The following EXOC4 variants were observed in gnomAD, a reference collection of about 807,000 sequenced individuals.
EXOC4 encodes exocyst complex component 4.
EXOC4 carries 71 observed loss-of-function variants against 107.2 expected under a neutral mutation model. The ratio of observed to expected loss-of-function variants is 0.66; its 90% CI spans 0.55 to 0.81. EXOC4 has a LOEUF of 0.81. Among genes scored for constraint, EXOC4 ranks in the 30% least tolerant of loss-of-function variants. The probability of loss-of-function intolerance (pLI) is 0.00; values close to 1 mark genes in which losing one functional copy is unlikely to be tolerated. For missense variants in EXOC4, 1,108 were observed against 1,189.6 expected, an observed-to-expected ratio of 0.93 and a Z score of 1.01; for synonymous variants, 456 against 441.2, an observed-to-expected ratio of 1.03 and a Z score of -0.42.
chr7:133,459,479 T>C (rs1563073997), intron 7 of EXOC4, among the ~76,000 whole-genome samples: 2 of 152,230 alleles, frequency 1.3e-5, no homozygotes, highest in Non-Finnish European at 2.9e-5. Flanking sequence ...GATCCAGGTA[T>C]ACAATTAATT....
At chr7:133,951,402 T>G (rs1343791757) in intron 14 of EXOC4, among the ~76,000 whole-genome samples, 1 of 152,238 alleles carries the variant, frequency 6.6e-6, no homozygotes, top group Non-Finnish European at 1.5e-5. Flanking sequence ...GTACAATGCC[T>G]GCAAACAGTG....
chr7:133,708,943 A>G (rs1036106410), intron 10 of EXOC4, among the ~76,000 whole-genome samples: 1 of 152,206 alleles, frequency 6.6e-6, no homozygotes, highest in African/African-American at 2.4e-5. Flanking sequence ...AAATGTCCAC[A>G]TTTAATAATT....
At chr7:134,066,585 T>G (rs1481981439), downstream of EXOC4, 1 of 152,198 alleles carries the variant, frequency 6.6e-6, no homozygotes, top group African/African-American at 2.4e-5. Flanking sequence ...TCAGTCTTTA[T>G]TCTTCCACAG....
At chr7:133,385,035 C>T (rs75969998) in intron 7 of EXOC4, among the ~76,000 whole-genome samples, 1,804 of 152,200 alleles carry the variant, frequency 0.012, 38 homozygotes, top group African/African-American at 0.04. Flanking sequence ...GGCACCATCA[C>T]GCTTCTCCAC....
At chr7:134,034,969 T>C (rs1004195386) in intron 17 of EXOC4, among the ~76,000 whole-genome samples, 1 of 151,740 alleles carries the variant, frequency 6.6e-6, no homozygotes, top group African/African-American at 2.4e-5. Flanking sequence ...TGAGAGAAAA[T>C]AGAAGGTGAG....
rs1182111035 is a variant in EXOC4, at chr7:133,909,254, G to T, written c.1872-8329G>T. Among the ~76,000 whole-genome samples, 2 of 152,250 alleles carry T rather than the reference G, an allele frequency of 1.3e-5. 1 individual carries two copies. Among genetic ancestry groups the T allele is most frequent in the Middle Eastern group, 6.8e-3 (2 of 294 alleles). ...TAAAGGTGAAGAAGTGAATTGACTAGGTAAGGTCCTTGCTTTCGTGGATTT... is the reference window on the plus strand; with the variant it reads ...TAAAGGTGAAGAAGTGAATTGACTATGTAAGGTCCTTGCTTTCGTGGATTT... On this transcript the variant is annotated intron_variant, in intron 12 of 17. Coordinates refer to ENST00000253861, the MANE Select transcript of EXOC4 (RefSeq NM_021807.4).
At position 133,511,886 on chromosome 7, in the gene EXOC4, T is replaced by C. The variant is rs151246105; in HGVS notation, c.1417+31748T>C. Among the ~76,000 whole-genome samples the C allele has an allele frequency of 5.6e-3, 848 of 151,948 alleles. 9 individuals carry two copies. Among genetic ancestry groups the C allele is most frequent in the African/African-American group, 0.019 (805 of 41,420 alleles). ...CAGTACCTGTGATGTAAATATTTAGTGAATGTTAGTCCTGTGTGAAATGCT... is the reference window on the plus strand; with the variant it reads ...CAGTACCTGTGATGTAAATATTTAGCGAATGTTAGTCCTGTGTGAAATGCT... On this transcript the variant is annotated intron_variant, in intron 9 of 17. Coordinates refer to ENST00000253861, the MANE Select transcript of EXOC4 (RefSeq NM_021807.4).
intron 9 of EXOC4, among the ~76,000 whole-genome samples, chr7:133,573,209 G>A (rs1801060173): frequency 6.6e-6 from 1 of 152,144 alleles, no homozygotes; most frequent in Non-Finnish European, 1.5e-5. Flanking sequence ...TGATATATAG[G>A]ATACTTACCA....
At chr7:133,860,988 A>G (rs773103127) in intron 11 of EXOC4, among the ~76,000 whole-genome samples, 1 of 152,186 alleles carries the variant, frequency 6.6e-6, no homozygotes, top group South Asian at 2.1e-4. Context: ...ACTTTTCTTT[A>G]TTAAGAATGC....
At chr7:133,787,810 A>G (rs1198168941) in intron 10 of EXOC4, among the ~76,000 whole-genome samples, 1 of 150,282 alleles carries the variant, frequency 6.7e-6, no homozygotes, top group Non-Finnish European at 1.5e-5. Flanking sequence ...ACCTCCGTAT[A>G]CTCTCACACT....
intron 14 of EXOC4, among the ~76,000 whole-genome samples, chr7:133,945,221 C>T (rs1268154336): frequency 6.6e-6 from 1 of 152,192 alleles, no homozygotes; most frequent in Non-Finnish European, 1.5e-5. Context: ...GAGTGGTTTT[C>T]AGCCTCATCG....
intron 10 of EXOC4, among the ~76,000 whole-genome samples, chr7:133,737,162 C>G (rs1316739777): frequency 6.6e-6 from 1 of 152,186 alleles, no homozygotes; most frequent in African/African-American, 2.4e-5. Flanking sequence ...CTGGTCTTTA[C>G]TATGTACCAC....
chr7:133,487,478 G>C (rs1006000805), intron 9 of EXOC4, among the ~76,000 whole-genome samples: 2 of 152,182 alleles, frequency 1.3e-5, no homozygotes, highest in African/African-American at 4.8e-5. Flanking sequence ...GGAGGCCAAG[G>C]TGGGTGGATC....
At chr7:133,599,946 G>T (rs573351963) in intron 9 of EXOC4, among the ~76,000 whole-genome samples, 16 of 138,390 alleles carry the variant, frequency 1.2e-4, no homozygotes, top group African/African-American at 3.3e-4. Flanking sequence ...TGTCTCCCAG[G>T]CTGGAGTACA....
chr7:133,992,642 A>G (rs1794291243), intron 14 of EXOC4, among the ~76,000 whole-genome samples: 1 of 151,538 alleles, frequency 6.6e-6, no homozygotes, highest in African/African-American at 2.4e-5. Flanking sequence ...ACCAGTCCTA[A>G]GAGTTTTGGG....
At chr7:134,100,181 C>T in the EXOC4 span, among the ~76,000 whole-genome samples, 1 of 151,988 alleles carries the variant, frequency 6.6e-6, no homozygotes, top group Non-Finnish European at 1.5e-5. Flanking sequence ...CTTTTTCTCT[C>T]CTACAGGGGG....
chr7:133,582,827 G>A (rs1319585646), intron 9 of EXOC4, among the ~76,000 whole-genome samples: 1 of 152,114 alleles, frequency 6.6e-6, no homozygotes, highest in Non-Finnish European at 1.5e-5. Flanking sequence ...TAATTAACAT[G>A]TTAACAGAAA....
intron 7 of EXOC4, among the ~76,000 whole-genome samples, chr7:133,430,559 A>C (rs1797833705): frequency 6.6e-6 from 1 of 152,202 alleles, no homozygotes; most frequent in South Asian, 2.1e-4. Context: ...GGTTCTTATT[A>C]ATAATGCTGC....
At chr7:133,840,062 C>T (rs1292091448) in intron 11 of EXOC4, among the ~76,000 whole-genome samples, 1 of 152,134 alleles carries the variant, frequency 6.6e-6, no homozygotes, top group African/African-American at 2.4e-5. Context: ...AAAAAGATTC[C>T]ATAAAGAAGA....
Sources: allele counts gnomAD v4.1 joint callset (sites outside exome capture counted in the v4.1 genomes callset), GRCh38; gene constraint gnomAD v4.1.1; transcripts MANE v1.5; gene names NCBI Gene and HGNC (gene_info 2026-07-23, HGNC 2026-07-21).